Variants in CELF5 observed in about 807,000 individuals in gnomAD.
The protein encoded by CELF5 is CUGBP Elav-like family member 5.
Under a neutral mutation model 54.9 loss-of-function variants are expected in CELF5, and 6 were observed. The ratio of observed to expected loss-of-function variants is 0.11; its 90% CI spans 0.06 to 0.22. The LOEUF (loss-of-function observed/expected upper bound fraction) is 0.22. Ranked by LOEUF, CELF5 falls within the 10% of genes least tolerant of loss-of-function variation. The pLI, the probability that CELF5 is intolerant of heterozygous loss-of-function variation, is 1.00. For synonymous variants in CELF5, 271 were observed against 290.9 expected, an observed-to-expected ratio of 0.93 and a Z score of 0.70; for missense variants, 401 against 678.6, an observed-to-expected ratio of 0.59 and a Z score of 4.54.
chr19:3,262,379 T>C (rs576483991), intron 2 of CELF5, among the ~76,000 whole-genome samples: 206 of 152,240 alleles, frequency 1.4e-3, no homozygotes, highest in South Asian at 0.01. Context: ...AAATTTAAAC[T>C]TAAACCACCA....
chr19:3,230,675 G>T (rs954969848), intron 1 of CELF5, among the ~76,000 whole-genome samples: 1 of 152,154 alleles, frequency 6.6e-6, no homozygotes, highest in South Asian at 2.1e-4. Flanking sequence ...CATGGGAAGC[G>T]GGCTTCACAT....
At chr19:3,249,745 C>T (rs546554234) in intron 1 of CELF5, among the ~76,000 whole-genome samples, 1 of 152,360 alleles carries the variant, frequency 6.6e-6, no homozygotes, top group East Asian at 1.9e-4. Flanking sequence ...CTCAGACCAT[C>T]CCCTCTCCCT....
intron 2 of CELF5, among the ~76,000 whole-genome samples, chr19:3,255,623 T>A (rs1445641105): frequency 6.6e-6 from 1 of 152,122 alleles, no homozygotes; most frequent in Non-Finnish European, 1.5e-5. Flanking sequence ...TGCTTCCACC[T>A]CTGTGTTCTC....
At position 3,268,866 on chromosome 19, in the gene CELF5, G is replaced by A. The variant is rs898601492; in HGVS notation, c.343-5006G>A. 5.9e-5 allele frequency among the ~76,000 whole-genome samples: 9 copies of A among 151,920 alleles called. No individual in the cohort carries two copies. The highest frequency in any genetic ancestry group is 9.7e-5 in the African/African-American group (4 of 41,350). On this transcript the variant is annotated intron_variant, in intron 2 of 12. Coordinates refer to ENST00000292672, the MANE Select transcript of CELF5 (RefSeq NM_021938.4). The surrounding 1 kb of genome is among the most constrained non-coding windows in gnomAD (Gnocchi z 4.4). ...TTGAGGGGTAAGGATGGGGTGCAGC[G>A]GGGGGGCATTCTGTCACCAGCCACG...
At position 3,256,945 on chromosome 19, in the gene CELF5, A is replaced by G. The variant is rs115836804; in HGVS notation, c.342+5878A>G. On this transcript the variant is annotated intron_variant, in intron 2 of 12. Coordinates refer to ENST00000292672, the MANE Select transcript of CELF5 (RefSeq NM_021938.4). ...CAGTGGCACAATCATAGCTCATAGC[A>G]CGATCATAGCTCATGGTACGTCCCA... 6.7e-3 allele frequency among the ~76,000 whole-genome samples: 1,021 copies of G among 152,192 alleles called. 13 individuals carry two copies. Among genetic ancestry groups the G allele is most frequent in the African/African-American group, 0.023 (951 of 41,530 alleles).
intron 8 of CELF5, among the ~76,000 whole-genome samples, chr19:3,284,286 G>T (rs747693531): frequency 1.3e-5 from 2 of 152,096 alleles, no homozygotes; most frequent in Non-Finnish European, 2.9e-5. Flanking sequence ...CCCACAAAGT[G>T]AACTCCTTCC....
rs939806172 is a variant in CELF5, at chr19:3,228,654, G to C, written c.259+3656G>C. ...GGCGGGGGCCCGGGTGGGGGCCCGC[G>C]GTTTCCATGGGAGCACCAGCTGCCG... On this transcript the variant is annotated intron_variant, in intron 1 of 12. Coordinates refer to ENST00000292672, the MANE Select transcript of CELF5 (RefSeq NM_021938.4). This position sits in a 1 kb window ranked among gnomAD's most constrained non-coding sequence, Gnocchi z 6.0. Among the ~76,000 whole-genome samples the C allele has an allele frequency of 4.0e-5, 6 of 151,676 alleles. No individual in the cohort carries two copies. The East Asian group carries it at 1.2e-3, about 29-fold the overall frequency.
chr19:3,287,575 A>T (rs1019138709), intron 10 of CELF5, among the ~76,000 whole-genome samples: 1 of 151,156 alleles, frequency 6.6e-6, no homozygotes. Flanking sequence ...AAATAAGTAA[A>T]TTAAATTAAA....
intron 2 of CELF5, among the ~76,000 whole-genome samples, chr19:3,262,403 G>A (rs1159451069): frequency 6.6e-6 from 1 of 152,120 alleles, no homozygotes; most frequent in Admixed American, 6.6e-5. Flanking sequence ...GTGGCTAATG[G>A]CTACAATATC....
intron 2 of CELF5, among the ~76,000 whole-genome samples, chr19:3,271,650 G>A (rs766395995): frequency 6.6e-6 from 1 of 152,072 alleles, no homozygotes; most frequent in Non-Finnish European, 1.5e-5. Context: ...AGAGAGGGGA[G>A]GGGACCCAGA....
At chr19:3,238,599 C>T (rs189293435) in intron 1 of CELF5, among the ~76,000 whole-genome samples, 3 of 152,254 alleles carry the variant, frequency 2.0e-5, no homozygotes, top group African/African-American at 7.2e-5. Context: ...GTCTCTGCTC[C>T]ATCATCTGTG....
chr19:3,251,010 C>T lies in CELF5; in HGVS notation c.285C>T (p.Ala95=), dbSNP rs1308796186. The change falls in exon 2 of 13, where the codon GCC becomes GCT. Residue 95 remains alanine, a synonymous_variant. Coordinates refer to ENST00000292672, the MANE Select transcript of CELF5 (RefSeq NM_021938.4). ...HKGCAFLTYC[A]RDSAIKAQTA... Reference sequence around the variant, plus strand: ...GCTGTGCCTTCCTCACCTACTGTGCCAGGGATTCCGCCATCAAAGCTCAGA... The same window carrying T: ...GCTGTGCCTTCCTCACCTACTGTGCTAGGGATTCCGCCATCAAAGCTCAGA... 3.1e-6 allele frequency: 5 copies of T among 1,614,004 alleles called. No individual in the cohort carries two copies. Among genetic ancestry groups the T allele is most frequent in the South Asian group, 1.1e-5 (1 of 91,080 alleles).
chr19:3,273,810 A>ACCCCCCCCCCCCC, intron 2 of CELF5, 62 bp from the exon 3 acceptor site: 2 of 1,190,150 alleles, frequency 1.7e-6, no homozygotes, highest in Non-Finnish European at 2.5e-6. Context: ...CTCAGGCAAA[A>ACCCCCCCCCCCCC]CCCCCCGCCT....
chr19:3,287,070 A>C (rs1353014893), intron 10 of CELF5, among the ~76,000 whole-genome samples: 1 of 151,364 alleles, frequency 6.6e-6, no homozygotes. Context: ...AAAAGAAAAA[A>C]ATCCCAAGCT....
intron 2 of CELF5, among the ~76,000 whole-genome samples, chr19:3,265,883 T>C (rs1374944168): frequency 6.6e-6 from 1 of 152,152 alleles, no homozygotes; most frequent in Non-Finnish European, 1.5e-5. Flanking sequence ...CTCAGCTCAC[T>C]GCAACCTCTG....
At position 3,282,135 on chromosome 19, in the gene CELF5, C is replaced by G; in HGVS notation, c.760C>G (p.Gln254Glu). The G allele has an allele frequency of 6.2e-7, 1 of 1,614,232 alleles. No homozygotes were observed. The highest frequency in any genetic ancestry group is 8.5e-7 in the Non-Finnish European group (1 of 1,180,044). The change falls in exon 7 of 13, where the codon CAG (glutamine) becomes GAG (glutamate). Residue 254 changes from glutamine (Q) to glutamate (E), a missense_variant. Around this residue, in one of 6 missense-constraint regions of CELF5, gnomAD observed 87 missense variants for 190.2 expected, o/e 0.46. Transcript: ENST00000292672. This position sits in a 1 kb window ranked among gnomAD's most constrained non-coding sequence, Gnocchi z 5.2. ...ATGTCTTCACCCCCAGCTCATGCAA[C>G]AGCAGACAACAGTCCTGTCCACCTC... ...YSAYAQALMQQQTTVLSTSGS... is the reference protein window; with the variant it reads ...YSAYAQALMQEQTTVLSTSGS...
chr19:3,258,682 G>A (rs576756020), intron 2 of CELF5, among the ~76,000 whole-genome samples: 1 of 152,188 alleles, frequency 6.6e-6, no homozygotes, highest in East Asian at 1.9e-4. Flanking sequence ...TGCAATCATA[G>A]CTTTTTACAG....
intron 1 of CELF5, among the ~76,000 whole-genome samples, chr19:3,239,332 C>T (rs549095716): frequency 1.1e-4 from 17 of 152,068 alleles, no homozygotes; most frequent in African/African-American, 3.6e-4. Flanking sequence ...CTCCTGAGCT[C>T]AAGCAATCCT....
At chr19:3,270,167 C>G (rs978557878) in intron 2 of CELF5, among the ~76,000 whole-genome samples, 1 of 152,174 alleles carries the variant, frequency 6.6e-6, no homozygotes, top group East Asian at 1.9e-4. Flanking sequence ...GAGTTTGTGT[C>G]TGGCTCTGTC....
Sources: gnomAD v4.1 joint callset for allele counts (sites outside exome capture counted in the v4.1 genomes callset) on GRCh38, gnomAD v4.1.1 for gene constraint, gnomAD v4.1.1 regional missense constraint, Gnocchi (gnomAD v3.1) non-coding constraint, MANE v1.5 for transcripts, NCBI Gene and HGNC (gene_info 2026-07-23, HGNC 2026-07-21) for gene names.